The following CCDC102B variants were observed in gnomAD, a reference collection of about 807,000 sequenced individuals.
The protein encoded by CCDC102B is coiled-coil domain containing 102B.
CCDC102B carries 75 observed loss-of-function variants against 57.4 expected under a neutral mutation model. The observed-to-expected ratio is 1.31, with a 90% confidence interval of 1.08 to 1.58. The LOEUF (loss-of-function observed/expected upper bound fraction) is 1.58, where lower values mean the gene tolerates loss of function less well. Ranked by LOEUF, CCDC102B falls within the 40% of genes most tolerant of loss-of-function variation. CCDC102B has a pLI of 0.00. For synonymous variants in CCDC102B, 206 were observed against 201.9 expected, an observed-to-expected ratio of 1.02 and a Z score of -0.17; for missense variants, 636 against 582.6, an observed-to-expected ratio of 1.09 and a Z score of -0.94.
intron 2 of CCDC102B, among the ~76,000 whole-genome samples, chr18:68,727,094 C>T (rs1249044207): frequency 6.6e-6 from 1 of 152,160 alleles, no homozygotes; most frequent in East Asian, 1.9e-4. Flanking sequence ...CATTAAATCA[C>T]CTGGAAAAAG....
chr18:68,891,447 G>A (rs1428501718), intron 5 of CCDC102B, among the ~76,000 whole-genome samples: 3 of 152,172 alleles, frequency 2.0e-5, no homozygotes, highest in Non-Finnish European at 2.9e-5. Context: ...CAAAATATTT[G>A]TATAAGCTGC....
At position 68,988,295 on chromosome 18, in the gene CCDC102B, G is replaced by C. The variant is rs116197867; in HGVS notation, c.1264-22639G>C. 3.4e-3 allele frequency among the ~76,000 whole-genome samples: 518 copies of C among 152,130 alleles called. 3 individuals carry two copies. Among genetic ancestry groups the C allele is most frequent in the African/African-American group, 0.012 (494 of 41,512 alleles). On this transcript the variant is annotated intron_variant, in intron 6 of 7. Transcript: ENST00000360242. The stretch of plus-strand genomic sequence containing the variant: ...ACCCTAAGCAAATTAACACAGGAAT[G>C]GACAGCCAAATATTGGATGATCTCA...
intron 6 of CCDC102B, among the ~76,000 whole-genome samples, chr18:68,942,827 G>C (rs12957015): frequency 0.57 from 83,148 of 145,300 alleles, 25,540 homozygotes; most frequent in Non-Finnish European, 0.67. Flanking sequence ...TACAGGTGTC[G>C]GGCTGGGGTA....
At chr18:68,895,550 T>C (rs2187096) in intron 5 of CCDC102B, among the ~76,000 whole-genome samples, 68,273 of 151,436 alleles carry the variant, frequency 0.45, 16,177 homozygotes, top group East Asian at 0.72. Flanking sequence ...GAAGCCATTA[T>C]AATCAACAAT....
At chr18:69,041,517 T>A (rs1476865115) in intron 7 of CCDC102B, among the ~76,000 whole-genome samples, 2 of 152,070 alleles carry the variant, frequency 1.3e-5, no homozygotes, top group African/African-American at 4.8e-5. Context: ...CCCTATGGAC[T>A]CCTTATAAAT....
At chr18:68,904,982 A>G (rs537810870) in intron 6 of CCDC102B, among the ~76,000 whole-genome samples, 18 of 152,150 alleles carry the variant, frequency 1.2e-4, no homozygotes, top group Non-Finnish European at 2.2e-4. Context: ...TGTTAAATGC[A>G]TAAGTTTAAG....
chr18:68,991,097 T>C (rs2050853077), intron 6 of CCDC102B, among the ~76,000 whole-genome samples: 1 of 150,876 alleles, frequency 6.6e-6, no homozygotes, highest in African/African-American at 2.4e-5. Context: ...ACCACTTCCC[T>C]GTTGTCACCT....
chr18:68,982,112 T>C (rs2050600825), intron 6 of CCDC102B, among the ~76,000 whole-genome samples: 1 of 151,974 alleles, frequency 6.6e-6, no homozygotes, highest in Non-Finnish European at 1.5e-5. Flanking sequence ...ACATCAATCC[T>C]GTCTGTCAAA....
At chr18:68,928,177 C>T (rs141194736) in intron 6 of CCDC102B, among the ~76,000 whole-genome samples, 1 of 151,888 alleles carries the variant, frequency 6.6e-6, no homozygotes, top group Non-Finnish European at 1.5e-5. Flanking sequence ...TTGGCTCACA[C>T]TAAGAACTCA....
intron 2 of CCDC102B, among the ~76,000 whole-genome samples, chr18:68,773,199 C>T (rs1015232326): frequency 2.0e-5 from 3 of 151,888 alleles, no homozygotes; most frequent in Admixed American, 1.3e-4. Flanking sequence ...TCAAAAGAAT[C>T]GGATTGAGTT....
At chr18:68,982,268 T>G (rs1362017710) in intron 6 of CCDC102B, among the ~76,000 whole-genome samples, 6 of 151,986 alleles carry the variant, frequency 3.9e-5, no homozygotes, top group Non-Finnish European at 8.8e-5. Context: ...AATGCATGAA[T>G]GTTTTAATTT....
chr18:68,874,170 ATGTGTGTGTGTGTGTG>A (rs34176363), intron 4 of CCDC102B, among the ~76,000 whole-genome samples: 9 of 138,336 alleles, frequency 6.5e-5, no homozygotes, highest in African/African-American at 1.9e-4. Context: ...GTGTGTGTGT[ATGTGTGTGTGTGTGTG>A]TGTGTGTGTG....
At chr18:68,779,527 T>C (rs1459998134) in intron 2 of CCDC102B, among the ~76,000 whole-genome samples, 2 of 148,988 alleles carry the variant, frequency 1.3e-5, no homozygotes, top group Non-Finnish European at 3.0e-5. Context: ...AATTCAATAA[T>C]GTACATCACA....
chr18:68,866,824 G>A, intron 4 of CCDC102B: 1 of 694,562 alleles, frequency 1.4e-6, no homozygotes, highest in Non-Finnish European at 2.7e-6. Flanking sequence ...TTTGAAACTT[G>A]TGAAGTCCCT....
intron 7 of CCDC102B, among the ~76,000 whole-genome samples, chr18:69,031,849 C>T (rs2052155505): frequency 1.3e-5 from 2 of 152,080 alleles, no homozygotes; most frequent in African/African-American, 4.8e-5. Context: ...GTTACCAAAT[C>T]ATTTTATAAT....
chr18:69,033,592 G>A (rs372162645), intron 7 of CCDC102B, among the ~76,000 whole-genome samples: 2 of 151,930 alleles, frequency 1.3e-5, no homozygotes, highest in South Asian at 2.1e-4. Context: ...TGTTTTCAAA[G>A]TTCATCATCT....
chr18:68,873,407 T>A (rs1319491785), intron 4 of CCDC102B, among the ~76,000 whole-genome samples: 1 of 152,152 alleles, frequency 6.6e-6, no homozygotes, highest in East Asian at 1.9e-4. Flanking sequence ...GTTTATTGCC[T>A]TTTAGACAAT....
At chr18:68,771,869 T>TACAC (rs57733183) in intron 2 of CCDC102B, among the ~76,000 whole-genome samples, 44,122 of 141,906 alleles carry the variant, frequency 0.31, 6,865 homozygotes, top group Non-Finnish European at 0.36. Context: ...TACTCTGAAA[T>TACAC]ACACACACAC....
At position 68,776,246 on chromosome 18, in the gene CCDC102B, G is replaced by C. The variant is rs117237844; in HGVS notation, c.-66-47120G>C. On this transcript the variant is annotated intron_variant, in intron 2 of 3. Transcript: ENST00000578970. ...TTATTAACCATTTCCAATTAATTTT[G>C]AAAATTTCAATCATTTAGTTTTTAT... 1.8e-3 allele frequency among the ~76,000 whole-genome samples: 276 copies of C among 152,036 alleles called. 3 individuals are homozygous for C. In the East Asian group the frequency reaches 0.043, roughly 24 times the overall value.
Sources: gnomAD v4.1 joint callset for allele counts (sites outside exome capture counted in the v4.1 genomes callset) on GRCh38, gnomAD v4.1.1 for gene constraint, MANE v1.5 for transcripts, NCBI Gene and HGNC (gene_info 2026-07-23, HGNC 2026-07-21) for gene names.